TUSC3: variants seen among roughly 807,000 people sequenced by gnomAD.
The protein encoded by TUSC3 is dolichyl-diphosphooligosaccharide--protein glycosyltransferase subunit TUSC3.
A neutral mutation model predicts 44.8 loss-of-function variants in TUSC3; 45 were observed. The observed-to-expected ratio is 1.00, with a 90% CI of 0.79 to 1.29. The LOEUF is 1.29. Ranked by LOEUF, TUSC3 falls within the 50% of genes most tolerant of loss-of-function variation. TUSC3 has a pLI of 0.00. For missense variants in TUSC3, 519 were observed against 437.9 expected, an observed-to-expected ratio of 1.19 and a Z score of -1.65; for synonymous variants, 212 against 152.9, an observed-to-expected ratio of 1.39 and a Z score of -2.85.
At chr8:15,448,238 C>T (rs1238032464) in intron 1 of TUSC3, among the ~76,000 whole-genome samples, 1 of 151,526 alleles carries the variant, frequency 6.6e-6, no homozygotes, top group Admixed American at 6.6e-5. Flanking sequence ...CATGCCTCAC[C>T]CTCTCAAGTA....
chr8:15,418,200 G>A (rs1054200212), intron 1 of TUSC3, among the ~76,000 whole-genome samples: 1 of 152,166 alleles, frequency 6.6e-6, no homozygotes, highest in Non-Finnish European at 1.5e-5. Flanking sequence ...TGGGGCTTTT[G>A]TGGGTTGGTC....
chr8:15,611,201 T>C (rs573500638), intron 1 of TUSC3, among the ~76,000 whole-genome samples: 1 of 152,212 alleles, frequency 6.6e-6, no homozygotes. Flanking sequence ...GTTGTTGTTT[T>C]TTTGAGACAG....
chr8:15,464,581 C>G (rs1452073796), intron 1 of TUSC3, among the ~76,000 whole-genome samples: 1 of 152,180 alleles, frequency 6.6e-6, no homozygotes, highest in East Asian at 1.9e-4. Context: ...TTGTATCATC[C>G]TAATATATCA....
At chr8:15,503,827 A>G (rs973791085) in intron 2 of TUSC3, among the ~76,000 whole-genome samples, 2 of 151,906 alleles carry the variant, frequency 1.3e-5, no homozygotes, top group Non-Finnish European at 2.9e-5. Flanking sequence ...GCATGGCAAA[A>G]CCCATCTCTA....
At chr8:15,759,414 G>C (rs1209665741) in intron 10 of TUSC3, among the ~76,000 whole-genome samples, 1 of 151,922 alleles carries the variant, frequency 6.6e-6, no homozygotes, top group Non-Finnish European at 1.5e-5. Flanking sequence ...GAATACATTT[G>C]TTCCAGAACA....
At chr8:15,783,392 G>A in the TUSC3 span, among the ~76,000 whole-genome samples, 2 of 152,064 alleles carry the variant, frequency 1.3e-5, no homozygotes, top group African/African-American at 4.8e-5. Flanking sequence ...GTATATGGAA[G>A]CACAGAAAAT....
intron 2 of TUSC3, among the ~76,000 whole-genome samples, chr8:15,487,591 A>G (rs567249471): frequency 1.3e-5 from 2 of 152,316 alleles, no homozygotes; most frequent in East Asian, 3.9e-4. Context: ...ATATTGATAC[A>G]CAAGATAACA....
At chr8:15,607,745 C>T (rs1804594296) in intron 1 of TUSC3, among the ~76,000 whole-genome samples, 1 of 152,152 alleles carries the variant, frequency 6.6e-6, no homozygotes, top group African/African-American at 2.4e-5. Context: ...GTCCTTCCTT[C>T]AATATGCATA....
intron 2 of TUSC3, among the ~76,000 whole-genome samples, chr8:15,631,812 T>G (rs1466276107): frequency 6.6e-6 from 1 of 151,894 alleles, no homozygotes; most frequent in Admixed American, 6.6e-5. Flanking sequence ...TTCAAGCGAT[T>G]CTCCTGCCTC....
In TUSC3 at chr8:15,723,140, C is replaced by G. The variant is rs980849148; in HGVS notation, c.799-7526C>G. Reference sequence around the variant, plus strand: ...CCACTGACTTAGGTTAAGTATCAACCTTTTTGATCCTCAAATAGGAAAATA... The same window carrying G: ...CCACTGACTTAGGTTAAGTATCAACGTTTTTGATCCTCAAATAGGAAAATA... On this transcript the variant is annotated intron_variant, in intron 6 of 10. Coordinates refer to ENST00000503731, the MANE Select transcript of TUSC3 (RefSeq NM_006765.4). 3.3e-5 allele frequency among the ~76,000 whole-genome samples: 5 copies of G among 152,040 alleles called. No individual in the cohort carries two copies. The South Asian group carries it at 1.0e-3, about 32-fold the overall frequency.
At position 15,700,555 on chromosome 8, in the gene TUSC3, A is replaced by G. The variant is rs536458658; in HGVS notation, c.798+26719A>G. ...ATAGGACAGAATGAAGAAAGGCCAT[A>G]TGCCTTGTTGAGGGAACAGAGAGTA... On this transcript the variant is annotated intron_variant, in intron 6 of 10. Transcript: ENST00000503731. Among the ~76,000 whole-genome samples, 47 of 152,254 alleles carry G rather than the reference A, an allele frequency of 3.1e-4. No homozygotes were observed. The South Asian group carries it at 9.1e-3, about 30-fold the overall frequency.
chr8:15,678,441 A>G (rs1221512637), intron 6 of TUSC3, among the ~76,000 whole-genome samples: 2 of 152,136 alleles, frequency 1.3e-5, no homozygotes, highest in Non-Finnish European at 2.9e-5. Flanking sequence ...TAATGAAAAA[A>G]CCACATTGGG....
intron 6 of TUSC3, among the ~76,000 whole-genome samples, chr8:15,710,463 C>A (rs1809795411): frequency 6.6e-6 from 1 of 151,706 alleles, no homozygotes; most frequent in Non-Finnish European, 1.5e-5. Context: ...CTTCATTCTA[C>A]AGTGAGTAAT....
rs781741877 is a variant in TUSC3 at position 15,730,719 on chromosome 8, T to C, written c.852T>C (p.Ile284=). ...QAQFVAESHI[I]LVLNAAITMG... ...AGTTTGTGGCAGAATCACACATTATTCTGGTACTGAGTATCCTTTTAAGAT... is the reference window on the plus strand; with the variant it reads ...AGTTTGTGGCAGAATCACACATTATCCTGGTACTGAGTATCCTTTTAAGAT... The change falls in exon 7 of 11, where the codon ATT becomes ATC. Residue 284 remains isoleucine, a synonymous_variant. Transcript: ENST00000503731. The C allele has an allele frequency of 5.3e-5, 86 of 1,612,994 alleles. No individual in the cohort carries two copies. In the Middle Eastern group the frequency reaches 8.2e-4, roughly 15 times the overall value.
the TUSC3 span, among the ~76,000 whole-genome samples, chr8:15,833,114 A>C: frequency 3.3e-5 from 5 of 152,200 alleles, no homozygotes; most frequent in African/African-American, 1.2e-4. Context: ...GTAAAAGCTC[A>C]ACATCACTGA....
At chr8:15,590,397 G>A (rs1272907764) in intron 1 of TUSC3, among the ~76,000 whole-genome samples, 2 of 152,138 alleles carry the variant, frequency 1.3e-5, no homozygotes, top group Non-Finnish European at 2.9e-5. Flanking sequence ...CCTAGTGAGA[G>A]ACGTCATGAG....
chr8:15,499,574 A>G (rs1488738311), intron 2 of TUSC3, among the ~76,000 whole-genome samples: 1 of 152,188 alleles, frequency 6.6e-6, no homozygotes, highest in Non-Finnish European at 1.5e-5. Context: ...CTGTCATTCA[A>G]CATAATTTAT....
chr8:15,524,959 C>T (rs540219256), intron 2 of TUSC3, among the ~76,000 whole-genome samples: 66 of 152,328 alleles, frequency 4.3e-4, no homozygotes, highest in African/African-American at 1.5e-3. Flanking sequence ...GGGCCTCTGG[C>T]CTCTGCTCAT....
intron 1 of TUSC3, among the ~76,000 whole-genome samples, chr8:15,422,612 T>G (rs753933755): frequency 9.9e-5 from 15 of 152,136 alleles, no homozygotes; most frequent in Admixed American, 2.0e-4. Context: ...TAAAAAAGTA[T>G]AGTAATGCAT....
Sources: allele counts gnomAD v4.1 joint callset (sites outside exome capture counted in the v4.1 genomes callset), GRCh38; gene constraint gnomAD v4.1.1; transcripts MANE v1.5; gene names NCBI Gene and HGNC (gene_info 2026-07-23, HGNC 2026-07-21).